The following GATAD2B variants were observed in gnomAD, a reference collection of about 807,000 sequenced individuals.
GATAD2B encodes the protein GATA zinc finger domain containing 2B.
Under a neutral mutation model 64.3 loss-of-function variants are expected in GATAD2B, and 8 were observed. The observed-to-expected ratio is 0.12, with a 90% CI of 0.07 to 0.22. The LOEUF (loss-of-function observed/expected upper bound fraction) is 0.22. Ranked by LOEUF, GATAD2B falls within the 10% of genes least tolerant of loss-of-function variation. GATAD2B has a pLI of 1.00. For missense variants in GATAD2B, 453 were observed against 752.0 expected (o/e 0.60, Z 4.65); for synonymous variants, 281 against 271.3 (o/e 1.04, Z -0.35).
At chr1:153,870,570 C>T in intron 1 of GATAD2B, among the ~76,000 whole-genome samples, 1 of 151,740 alleles carries the variant, frequency 6.6e-6, no homozygotes, top group Non-Finnish European at 1.5e-5. Context: ...CAGACTCCGT[C>T]TCAAAAAAAA....
chr1:153,900,184 G>A (rs1407216893), intron 1 of GATAD2B, among the ~76,000 whole-genome samples: 7 of 151,994 alleles, frequency 4.6e-5, no homozygotes, highest in African/African-American at 1.7e-4. Context: ...TTGGGAGGCC[G>A]AGGCAGGCGG....
intron 1 of GATAD2B, among the ~76,000 whole-genome samples, chr1:153,877,469 A>G (rs561292956): frequency 6.6e-6 from 1 of 152,018 alleles, no homozygotes; most frequent in Admixed American, 6.6e-5. Context: ...AAAAAAAAAA[A>G]TTTCTCATCT....
chr1:153,827,788 A>AT (rs1289544350), intron 2 of GATAD2B, among the ~76,000 whole-genome samples: 2 of 151,992 alleles, frequency 1.3e-5, no homozygotes, highest in African/African-American at 2.4e-5. Flanking sequence ...AGAAATGACC[A>AT]TTTTTTCTCT....
chr1:153,886,522 C>CTTTTTTTTTTTTT (rs960423174), intron 1 of GATAD2B: 1 of 113,944 alleles, frequency 8.8e-6, no homozygotes, highest in Non-Finnish European at 1.8e-5. Flanking sequence ...AATAGTTTTC[C>CTTTTTTTTTTTTT]TTTTTTTTTT....
At chr1:153,833,244 A>T (rs1406370285) in intron 1 of GATAD2B, among the ~76,000 whole-genome samples, 1 of 152,082 alleles carries the variant, frequency 6.6e-6, no homozygotes, top group African/African-American at 2.4e-5. Flanking sequence ...AATTAGGCTA[A>T]ATCTACTCTG....
At chr1:153,893,731 G>T (rs941597958) in intron 1 of GATAD2B, among the ~76,000 whole-genome samples, 1 of 151,818 alleles carries the variant, frequency 6.6e-6, no homozygotes, top group African/African-American at 2.4e-5. Flanking sequence ...AGGCCAAGGT[G>T]GGTGGATCAC....
At chr1:153,887,137 C>A (rs138566363) in intron 1 of GATAD2B, among the ~76,000 whole-genome samples, 1 of 152,114 alleles carries the variant, frequency 6.6e-6, no homozygotes, top group Non-Finnish European at 1.5e-5. Flanking sequence ...TACATTTTTT[C>A]TTCATTAAAC....
intron 1 of GATAD2B, among the ~76,000 whole-genome samples, chr1:153,910,844 T>C (rs1256709969): frequency 6.6e-6 from 1 of 152,228 alleles, no homozygotes; most frequent in African/African-American, 2.4e-5. Context: ...ACATTTAAGG[T>C]AAGCTAGGCT....
intron 1 of GATAD2B, among the ~76,000 whole-genome samples, chr1:153,878,829 G>A (rs1676917232): frequency 7.0e-6 from 1 of 142,646 alleles, no homozygotes; most frequent in Non-Finnish European, 1.5e-5. Flanking sequence ...CCAGGCTGGA[G>A]TGCAGTGGTG....
chr1:153,903,769 A>C (rs1452632402), intron 1 of GATAD2B, among the ~76,000 whole-genome samples: 1 of 151,858 alleles, frequency 6.6e-6, no homozygotes, highest in Non-Finnish European at 1.5e-5. Flanking sequence ...AGACAGCTTG[A>C]GCCTAGGAGT....
intron 1 of GATAD2B, among the ~76,000 whole-genome samples, chr1:153,850,872 G>A (rs1199499187): frequency 6.6e-6 from 1 of 151,262 alleles, no homozygotes; most frequent in Non-Finnish European, 1.5e-5. Context: ...AGTGAGCCGG[G>A]AACGCGCCAC....
chr1:153,810,323 G>C lies in GATAD2B; in HGVS notation c.1649-13C>G. On this transcript the variant is annotated splice_polypyrimidine_tract_variant and intron_variant, in intron 10 of 10. Transcript: ENST00000368655. ...GCAATGTTGACACCTGGACCCAGGA[G>C]ACAAAAGTGGAGGGCAGGTATTAAA... is the stretch of plus-strand genomic sequence containing the variant. 1 of 1,611,130 alleles carries C rather than the reference G, an allele frequency of 6.2e-7. No individual in the cohort carries two copies. The highest frequency in any genetic ancestry group is 8.5e-7 in the Non-Finnish European group (1 of 1,178,854).
intron 1 of GATAD2B, among the ~76,000 whole-genome samples, chr1:153,895,277 T>A (rs1311958318): frequency 1.3e-5 from 2 of 150,724 alleles, no homozygotes; most frequent in Non-Finnish European, 2.9e-5. Context: ...GAGGGTGCAG[T>A]GAGCCAAGAT....
In GATAD2B at chr1:153,871,045, G is replaced by T. The variant is rs578044772; in HGVS notation, c.-1-42697C>A. 3.8e-4 allele frequency among the ~76,000 whole-genome samples: 57 copies of T among 150,376 alleles called. No individual in the cohort carries two copies. In the South Asian group the frequency reaches 7.8e-3, roughly 21 times the overall value. On this transcript the variant is annotated intron_variant, in intron 1 of 10. Transcript: ENST00000368655. Reference sequence around the variant, plus strand: ...TCTGGAGTAGCTGGGATTACAGATGGGTGCTACCACGCCTGGTGTTTTTTG... The same window carrying T: ...TCTGGAGTAGCTGGGATTACAGATGTGTGCTACCACGCCTGGTGTTTTTTG...
intron 1 of GATAD2B, among the ~76,000 whole-genome samples, chr1:153,862,762 T>C (rs186593674): frequency 6.6e-5 from 10 of 150,578 alleles, no homozygotes; most frequent in Non-Finnish European, 1.3e-4. Context: ...TTTGCTCTTG[T>C]TGCCCAGGCT....
chr1:153,876,227 C>CAAAAAAAAAAAAAGA (rs1676826956), intron 1 of GATAD2B, among the ~76,000 whole-genome samples: 1 of 48,406 alleles, frequency 2.1e-5, no homozygotes, highest in Non-Finnish European at 3.5e-5. Flanking sequence ...GACTTCGTCT[C>CAAAAAAAAAAAAAGA]AAAAAAAAAA....
At chr1:153,895,899 C>T (rs746842466) in intron 1 of GATAD2B, among the ~76,000 whole-genome samples, 5 of 151,626 alleles carry the variant, frequency 3.3e-5, no homozygotes. Context: ...GTGGCTCATG[C>T]CTATAATCCC....
intron 1 of GATAD2B, among the ~76,000 whole-genome samples, chr1:153,884,592 G>A (rs1453784030): frequency 6.6e-6 from 1 of 152,110 alleles, no homozygotes; most frequent in Non-Finnish European, 1.5e-5. Context: ...ACAAGAGTGA[G>A]ACTTCATCTC....
chr1:153,825,253 G>C (rs1429048500), intron 2 of GATAD2B, among the ~76,000 whole-genome samples: 3 of 152,150 alleles, frequency 2.0e-5, no homozygotes, highest in African/African-American at 7.2e-5. Flanking sequence ...AGGTTGCTCA[G>C]GTTCATGATC....
Sources: allele counts gnomAD v4.1 joint callset (sites outside exome capture counted in the v4.1 genomes callset), GRCh38; gene constraint gnomAD v4.1.1; transcripts MANE v1.5; gene names NCBI Gene and HGNC (gene_info 2026-07-23, HGNC 2026-07-21).